The following BPIFA2 variants were observed in gnomAD, a reference collection of about 807,000 sequenced individuals.
The protein encoded by BPIFA2 is BPI fold containing family A member 2.
BPIFA2 carries 20 observed loss-of-function variants against 25.7 expected under a neutral mutation model. That is an observed-to-expected ratio of 0.78 (90% confidence interval 0.55 to 1.13). The LOEUF (loss-of-function observed/expected upper bound fraction) is 1.13. Ranked by LOEUF, BPIFA2 falls within the 50% of genes most tolerant of loss-of-function variation. The probability of loss-of-function intolerance (pLI) is 0.00; values close to 1 mark genes in which losing one functional copy is unlikely to be tolerated. For synonymous variants in BPIFA2, 126 were observed against 124.3 expected (o/e 1.01, Z -0.09); for missense variants, 300 against 298.1 (o/e 1.01, Z -0.05).
In BPIFA2 at chr20:33,179,679, G is replaced by A; in HGVS notation, c.709+12G>A. The A allele has an allele frequency of 6.3e-7, 1 of 1,599,756 alleles. No individual in the cohort carries two copies. The highest frequency in any genetic ancestry group is 2.2e-5 in the East Asian group (1 of 44,822). ...TCAGCAGGTCGTCGGTAAGTCAATG[G>A]GGAAGTGGGGACCTTCTGAGGCAGG... On this transcript the variant is annotated intron_variant, in intron 7 of 8. Transcript: ENST00000354932.
At chr20:33,175,598 G>A (rs765639317) in intron 5 of BPIFA2, 39 bp downstream of exon 5, 1 of 1,599,924 alleles carries the variant, frequency 6.3e-7, no homozygotes, top group South Asian at 1.1e-5. Context: ...GGCTCTCAGG[G>A]AACTTGAGGA....
upstream of BPIFA2, among the ~76,000 whole-genome samples, chr20:33,163,435 C>T (rs1004344996): frequency 6.6e-6 from 1 of 152,136 alleles, no homozygotes; most frequent in Admixed American, 6.5e-5. Flanking sequence ...GAAGGGATTT[C>T]TCTGACACAG....
chr20:33,169,409 C>A, intron 2 of BPIFA2, 107 bp downstream of exon 2: 1 of 1,164,080 alleles, frequency 8.6e-7, no homozygotes, highest in Non-Finnish European at 1.2e-6. Context: ...GGGCGGTTTA[C>A]TGAGAAAAGT....
intron 5 of BPIFA2, 56 bp downstream of exon 5, chr20:33,175,615 A>T: frequency 6.4e-7 from 1 of 1,571,334 alleles, no homozygotes; most frequent in Non-Finnish European, 8.7e-7. Context: ...AGGACCCCTA[A>T]TTTCAGCTCT....
At chr20:33,179,518 G>A (rs1984198551) in intron 6 of BPIFA2, 86 bp from the exon 7 acceptor site, 2 of 1,097,236 alleles carry the variant, frequency 1.8e-6, no homozygotes, top group South Asian at 2.5e-5. Flanking sequence ...ATCTGTGGGT[G>A]GCAAGCAATT....
chr20:33,169,671 T>C (rs1983836629), intron 2 of BPIFA2, among the ~76,000 whole-genome samples: 1 of 152,254 alleles, frequency 6.6e-6, no homozygotes, highest in Non-Finnish European at 1.5e-5. Flanking sequence ...ATATTCTGCC[T>C]GTCTCACAGA....
chr20:33,180,985 T>C (rs921674193), intron 8 of BPIFA2, among the ~76,000 whole-genome samples: 1 of 152,190 alleles, frequency 6.6e-6, no homozygotes, highest in Non-Finnish European at 1.5e-5. Flanking sequence ...TCTACCATTG[T>C]TCTGAAGGAG....
At chr20:33,177,279 C>G in intron 5 of BPIFA2, among the ~76,000 whole-genome samples, 1 of 151,638 alleles carries the variant, frequency 6.6e-6, no homozygotes. Flanking sequence ...TGCTTGAACC[C>G]AGGAGGCAGA....
At chr20:33,170,560 A>C (rs536060099) in intron 2 of BPIFA2, among the ~76,000 whole-genome samples, 8 of 152,182 alleles carry the variant, frequency 5.3e-5, no homozygotes, top group African/African-American at 1.7e-4. Context: ...CACCTGGCTA[A>C]GTTTTACATT....
rs1984206934 is a variant in BPIFA2 at position 33,179,683 on chromosome 20, A to T, written c.709+16A>T. On this transcript the variant is annotated intron_variant, in intron 7 of 8. Transcript: ENST00000354932. ...CAGGTCGTCGGTAAGTCAATGGGGA[A>T]GTGGGGACCTTCTGAGGCAGGCATG... The T allele has an allele frequency of 1.3e-6, 2 of 1,597,342 alleles. No individual in the cohort carries two copies. The highest frequency in any genetic ancestry group is 2.7e-5 in the African/African-American group (2 of 74,258).
At chr20:33,173,190 G>C in intron 3 of BPIFA2, 114 bp downstream of exon 3, 2 of 1,326,254 alleles carry the variant, frequency 1.5e-6, no homozygotes, top group Non-Finnish European at 2.1e-6. Flanking sequence ...CCCTCCCACA[G>C]AGCCAAGGTG....
intron 6 of BPIFA2, 115 bp from the exon 7 acceptor site, chr20:33,179,489 G>T: frequency 1.2e-6 from 1 of 800,732 alleles, no homozygotes; most frequent in African/African-American, 1.7e-5. Context: ...AAGATTCTAA[G>T]ATCCCTAGAA....
intron 7 of BPIFA2, 143 bp from the exon 8 acceptor site, chr20:33,180,377 C>A: frequency 1.2e-6 from 1 of 852,726 alleles, no homozygotes; most frequent in Non-Finnish European, 1.9e-6. Flanking sequence ...GATGAACAAA[C>A]TGAAGCTCAG....
At chr20:33,179,078 G>T (rs778802617) in intron 6 of BPIFA2, among the ~76,000 whole-genome samples, 2 of 152,068 alleles carry the variant, frequency 1.3e-5, no homozygotes, top group African/African-American at 4.8e-5. Flanking sequence ...AAGGTGTTAG[G>T]ATTCTAACAC....
chr20:33,176,883 G>A (rs1469514574), intron 5 of BPIFA2, among the ~76,000 whole-genome samples: 2 of 152,058 alleles, frequency 1.3e-5, no homozygotes, highest in Non-Finnish European at 2.9e-5. Flanking sequence ...GGGGTGCTCT[G>A]GCTACCTAGA....
chr20:33,180,499 C>T (rs1385237756), intron 7 of BPIFA2, 21 bp from the exon 8 acceptor site: 10 of 1,609,550 alleles, frequency 6.2e-6, no homozygotes, highest in Non-Finnish European at 8.5e-6. Flanking sequence ...CTAAGGCCTG[C>T]TATTGATTTT....
intron 3 of BPIFA2, 61 bp from the exon 4 acceptor site, chr20:33,174,018 G>A: frequency 2.9e-6 from 4 of 1,401,738 alleles, no homozygotes; most frequent in Non-Finnish European, 3.0e-6. Flanking sequence ...CTGGCCCAGG[G>A]AAGTGGTTGG....
chr20:33,179,160 T>A, intron 6 of BPIFA2, among the ~76,000 whole-genome samples: 1 of 152,146 alleles, frequency 6.6e-6, no homozygotes, highest in Non-Finnish European at 1.5e-5. Context: ...CCAGGCGCGG[T>A]GGCTTATGCC....
chr20:33,173,773 G>A (rs1316912052), intron 3 of BPIFA2, among the ~76,000 whole-genome samples: 3 of 152,182 alleles, frequency 2.0e-5, no homozygotes, highest in African/African-American at 7.2e-5. Context: ...CAAAGTGCTG[G>A]GATTACAGGC....
Sources: gnomAD v4.1 joint callset for allele counts (sites outside exome capture counted in the v4.1 genomes callset) on GRCh38, gnomAD v4.1.1 for gene constraint, MANE v1.5 for transcripts, NCBI Gene and HGNC (gene_info 2026-07-23, HGNC 2026-07-21) for gene names.